The following PER3 variants were observed in gnomAD, a reference collection of about 807,000 sequenced individuals.
The protein encoded by PER3 is period circadian regulator 3.
In PER3, 107 loss-of-function variants were observed where a neutral mutation model predicts 127.2. The observed-to-expected ratio is 0.84, with a 90% confidence interval of 0.72 to 0.99. PER3 has a LOEUF of 0.99. Ranked by LOEUF, PER3 falls within the 50% of genes least tolerant of loss-of-function variation. The pLI is 0.00. For missense variants in PER3, 1,560 were observed against 1,525.8 expected, an observed-to-expected ratio of 1.02 and a Z score of -0.37; for synonymous variants, 618 against 585.8, an observed-to-expected ratio of 1.05 and a Z score of -0.79.
Position 7,803,126 on chromosome 1 carries a change from T to G in PER3, c.952T>G (p.Ser318Ala). 1 of 1,611,040 alleles carries G rather than the reference T, an allele frequency of 6.2e-7. No individual in the cohort carries two copies. Among genetic ancestry groups the G allele is most frequent in the South Asian group, 1.1e-5 (1 of 91,006 alleles). ...ILSYLHPEDRSLMVAIHQKVL... is the reference protein window; with the variant it reads ...ILSYLHPEDRALMVAIHQKVL... ...AAGCTACCTGCACCCTGAAGATCGT[T>G]CTCTGATGGTTGCCATACACCAAAA... Residue 318 changes from serine to alanine, a missense_variant, in exon 9 of 22, where the codon TCT becomes GCT. By Grantham distance (99) the Ser-to-Ala change is moderately conservative. This residue lies in a region of PER3 where 1,332 missense variants were observed against 1,223.6 expected (regional missense o/e 1.09). Coordinates refer to ENST00000377532, the MANE Select transcript of PER3 (RefSeq NM_001377275.1).
chr1:7,797,034 A>G (rs1345345227), intron 6 of PER3, among the ~76,000 whole-genome samples: 1 of 152,142 alleles, frequency 6.6e-6, no homozygotes, highest in African/African-American at 2.4e-5. Flanking sequence ...TACCTGTTGA[A>G]TATCCAAGTT....
intron 20 of PER3, among the ~76,000 whole-genome samples, chr1:7,836,235 C>T (rs915487652): frequency 6.6e-6 from 1 of 151,936 alleles, no homozygotes; most frequent in Non-Finnish European, 1.5e-5. Flanking sequence ...GCTGGAGTGC[C>T]GTGGTGCCAT....
chr1:7,785,150 G>C (rs2097080473), intron 2 of PER3, 145 bp downstream of exon 2: 2 of 908,770 alleles, frequency 2.2e-6, no homozygotes, highest in African/African-American at 1.7e-5. Context: ...GTAGGATGAA[G>C]TGATCCGTGA....
intron 21 of PER3, among the ~76,000 whole-genome samples, chr1:7,840,622 C>G (rs190230673): frequency 1.4e-5 from 2 of 147,652 alleles, no homozygotes; most frequent in East Asian, 2.0e-4. Context: ...CCAGCTTTTT[C>G]TTTTTCTTTC....
chr1:7,801,271 T>C, intron 8 of PER3, 80 bp downstream of exon 8: 1 of 795,632 alleles, frequency 1.3e-6, no homozygotes, highest in East Asian at 2.6e-5. Context: ...TATGTTTGCA[T>C]GTTTATACAT....
At position 7,820,646 on chromosome 1, in the gene PER3, A is replaced by C; in HGVS notation, c.1957+6A>C. ...TGTCCCACCCCCAGAGACAGGTACCACACTCGCCTCTTACTTTGAAAATAT... is the reference window on the plus strand; with the variant it reads ...TGTCCCACCCCCAGAGACAGGTACCCCACTCGCCTCTTACTTTGAAAATAT... On this transcript the variant is annotated splice_donor_region_variant and intron_variant, in intron 16 of 21. Coordinates refer to ENST00000377532, the MANE Select transcript of PER3 (RefSeq NM_001377275.1). The C allele has an allele frequency of 6.3e-7, 1 of 1,593,952 alleles. No individual in the cohort carries two copies.
intron 9 of PER3, 80 bp downstream of exon 9, chr1:7,803,233 C>T (rs228642): frequency 0.53 from 454,958 of 855,818 alleles, 125,711 homozygotes; most frequent in Middle Eastern, 0.63. Context: ...CTCATTAGAG[C>T]GCAACCTTTA....
rs2097169049 is a variant in PER3, at chr1:7,801,144, C to T, written c.825C>T (p.Phe275=). 4 of 1,607,254 alleles carry T rather than the reference C, an allele frequency of 2.5e-6. 1 individual carries two copies. Among genetic ancestry groups the T allele is most frequent in the South Asian group, 2.2e-5 (2 of 90,108 alleles). ...APRIPVNKRI[F]TTTHTPGCVF... ...GGATCCCAGTGAATAAAAGAATCTT[C>T]ACCACCACACACACCCCAGGGTGTG... Residue 275 remains phenylalanine, a synonymous_variant, in exon 8 of 22, where the codon TTC becomes TTT. Coordinates refer to ENST00000377532, the MANE Select transcript of PER3 (RefSeq NM_001377275.1).
At chr1:7,788,509 G>T in intron 5 of PER3, 1 of 371,206 alleles carries the variant, frequency 2.7e-6, no homozygotes, top group Non-Finnish European at 4.9e-6. Context: ...ATTGTATAGT[G>T]GTTTAGTTGC....
At chr1:7,828,317 T>A (rs143633191) in intron 18 of PER3, among the ~76,000 whole-genome samples, 1 of 152,336 alleles carries the variant, frequency 6.6e-6, no homozygotes, top group East Asian at 1.9e-4. Flanking sequence ...AGTTTATAGT[T>A]TCACACTTAA....
At chr1:7,805,234 TC>T (rs563712345) in intron 10 of PER3, among the ~76,000 whole-genome samples, 142 of 152,322 alleles carry the variant, frequency 9.3e-4, no homozygotes, top group Non-Finnish European at 1.8e-3. Flanking sequence ...CTGATGTCTA[TC>T]TTTTTTAAGC....
intron 9 of PER3, 67 bp from the exon 10 acceptor site, chr1:7,803,625 A>T: frequency 9.7e-7 from 1 of 1,034,646 alleles, no homozygotes; most frequent in Non-Finnish European, 1.4e-6. Flanking sequence ...TAAATGGCTT[A>T]AAAAGGACAT....
At chr1:7,800,952 C>A (rs2150677156) in intron 7 of PER3, among the ~76,000 whole-genome samples, 161 bp from the exon 8 acceptor site, 1 of 152,206 alleles carries the variant, frequency 6.6e-6, no homozygotes, top group African/African-American at 2.4e-5. Context: ...AAATTACTAT[C>A]ATTTAACTGT....
Position 7,833,612 on chromosome 1 carries a change from C to T in PER3, c.3215-2150C>T, listed in dbSNP as rs556269516. Among the ~76,000 whole-genome samples the T allele has an allele frequency of 3.3e-5, 5 of 152,210 alleles. No homozygotes were observed. In the South Asian group the frequency reaches 1.0e-3, roughly 32 times the overall value. ...ATTTTTTTCATCTTTTTACTTTCAACTTATCTGTGTCTTTATATTTAAAGT... is the reference window on the plus strand; with the variant it reads ...ATTTTTTTCATCTTTTTACTTTCAATTTATCTGTGTCTTTATATTTAAAGT... On this transcript the variant is annotated intron_variant, in intron 19 of 21. Transcript: ENST00000377532.
chr1:7,785,556 T>C lies in PER3; in HGVS notation c.244T>C (p.Tyr82His). 1.9e-6 allele frequency: 3 copies of C among 1,613,854 alleles called. No homozygotes were observed. Among genetic ancestry groups the C allele is most frequent in the Non-Finnish European group, 2.5e-6 (3 of 1,179,846 alleles). Residue 82 changes from tyrosine (Y) to histidine (H), a missense_variant, in exon 3 of 22, where the codon TAT (tyrosine) becomes CAT (histidine). Tyr to His is a moderately conservative substitution (Grantham distance 83). Around this residue, in one of 3 missense-constraint regions of PER3, gnomAD observed 1,332 missense variants for 1,223.6 expected, o/e 1.09. Transcript: ENST00000377532. ...ACCAAGCACTCTAGATGCCCTCAAC[T>C]ATGCTCTCCGCTGTGTCCACAGCGT... ...NKPSTLDALN[Y>H]ALRCVHSVQA... is the part of the protein sequence containing the mutation.
chr1:7,806,664 C>T (rs916661918), intron 10 of PER3, among the ~76,000 whole-genome samples: 16 of 151,094 alleles, frequency 1.1e-4, no homozygotes, highest in African/African-American at 3.6e-4. Flanking sequence ...CATGGTGGTA[C>T]GTGCCTGTAG....
At chr1:7,839,707 A>G (rs1007094294) in intron 21 of PER3, among the ~76,000 whole-genome samples, 9 of 152,240 alleles carry the variant, frequency 5.9e-5, no homozygotes, top group Non-Finnish European at 1.3e-4. Context: ...ACACTGGGAC[A>G]CTGCCCTCTG....
intron 5 of PER3, among the ~76,000 whole-genome samples, chr1:7,790,348 G>A (rs1166800550): frequency 1.3e-5 from 2 of 152,200 alleles, no homozygotes; most frequent in African/African-American, 4.8e-5. Flanking sequence ...GGAAGGAGAA[G>A]AATGGGAGCC....
At chr1:7,797,812 T>G (rs1363566783) in intron 6 of PER3, among the ~76,000 whole-genome samples, 3 of 152,078 alleles carry the variant, frequency 2.0e-5, no homozygotes, top group Non-Finnish European at 4.4e-5. Context: ...GCTTTTTGAC[T>G]TCTAGGTGAA....
Sources: gnomAD v4.1 joint callset for allele counts (sites outside exome capture counted in the v4.1 genomes callset) on GRCh38, gnomAD v4.1.1 for gene constraint, gnomAD v4.1.1 regional missense constraint, MANE v1.5 for transcripts, NCBI Gene and HGNC (gene_info 2026-07-23, HGNC 2026-07-21) for gene names.